ALG13: variants seen among roughly 807,000 people sequenced by gnomAD.
ALG13 encodes the protein ALG13 UDP-N-acetylglucosaminyltransferase subunit, also known as UDP-N-acetylglucosamine transferase subunit ALG13.
A neutral mutation model predicts 87.8 loss-of-function variants in ALG13; 11 were observed. That is an observed-to-expected ratio of 0.13 (90% CI 0.08 to 0.21). The LOEUF (loss-of-function observed/expected upper bound fraction) is 0.21. Among genes scored for constraint, ALG13 ranks in the 10% least tolerant of loss-of-function variants. ALG13 has a pLI of 1.00. For synonymous variants in ALG13, 320 were observed against 306.3 expected (o/e 1.04, Z -0.47); for missense variants, 756 against 866.1 (o/e 0.87, Z 1.60).
In ALG13 at chrX:111,688,420, A is replaced by G. The variant is rs140179850; in HGVS notation, c.383+3317A>G. ...TTAGCATCTTTAGCTTTATAATCTAAGGAACCAAATTTAAAAAATGATGGA... is the reference window on the plus strand; with the variant it reads ...TTAGCATCTTTAGCTTTATAATCTAGGGAACCAAATTTAAAAAATGATGGA... On this transcript the variant is annotated intron_variant, in intron 3 of 26. Coordinates refer to ENST00000394780, the MANE Select transcript of ALG13 (RefSeq NM_001099922.3). 753 of 744,435 alleles carry G rather than the reference A, an allele frequency of 1.0e-3. 4 individuals carry two copies. In the African/African-American group the frequency reaches 0.016, roughly 15 times the overall value. The allele number at this position is 744,435 out of a possible 1,213,427, so 61.3% of individuals were successfully genotyped here.
Position 111,685,058 on chromosome X carries a change from C to G in ALG13, c.338C>G (p.Ala113Gly). Reference protein sequence around the residue: ...KLMNNHQLELAKQLHKEGHLF... With the variant: ...KLMNNHQLELGKQLHKEGHLF... ...ATGAACAATCATCAGCTGGAACTGGCAAAGCAGCTACACAAAGAGGGTCAT... is the reference window on the plus strand; with the variant it reads ...ATGAACAATCATCAGCTGGAACTGGGAAAGCAGCTACACAAAGAGGGTCAT... The change falls in exon 3 of 27, where the codon GCA (alanine) becomes GGA (glycine). Residue 113 changes from alanine (A) to glycine (G), a missense_variant. Ala to Gly is a moderately conservative substitution (Grantham distance 60, BLOSUM62 0). Around this residue, in one of 9 missense-constraint regions of ALG13, gnomAD observed 153 missense variants for 168.7 expected, o/e 0.91. Coordinates refer to ENST00000394780, the MANE Select transcript of ALG13 (RefSeq NM_001099922.3). The G allele has an allele frequency of 8.3e-7, 1 of 1,210,485 alleles. No individual in the cohort carries two copies. The highest frequency in any genetic ancestry group is 1.1e-6 in the Non-Finnish European group (1 of 894,745).
At chrX:111,708,640 G>A (rs1939189594) in intron 4 of ALG13, among the ~76,000 whole-genome samples, 1 of 110,764 alleles carries the variant, frequency 9.0e-6, no homozygotes, top group Non-Finnish European at 1.9e-5. Flanking sequence ...ATGTAGGAGG[G>A]GTAAGATAAG....
intron 24 of ALG13, among the ~76,000 whole-genome samples, chrX:111,746,873 T>C (rs1372838264): frequency 8.9e-6 from 1 of 111,859 alleles, no homozygotes; most frequent in African/African-American, 3.2e-5. Flanking sequence ...CTTTATCCAT[T>C]CTGGTGACTG....
intron 15 of ALG13, among the ~76,000 whole-genome samples, chrX:111,726,457 C>T (rs1378816716): frequency 9.2e-6 from 1 of 108,554 alleles, no homozygotes; most frequent in Non-Finnish European, 1.9e-5. Context: ...TCCTTGAACT[C>T]CTGACCTCAA....
chrX:111,728,196 T>G lies in ALG13; in HGVS notation c.2259T>G (p.Gly753=). ...TCTCTCTGATACAGAATCATGGAGGTCCCTCTACAATGGTTCCTGCTACTT... is the reference window on the plus strand; with the variant it reads ...TCTCTCTGATACAGAATCATGGAGGGCCCTCTACAATGGTTCCTGCTACTT... ...TAYPTLPNHG[G]PSTMVPATSG... is the part of the protein sequence containing the mutation. Residue 753 remains glycine (G), a synonymous_variant, in exon 19 of 27, where the codon GGT becomes GGG. Transcript: ENST00000394780. 2 of 1,211,112 alleles carry G rather than the reference T, an allele frequency of 1.7e-6. No individual in the cohort carries two copies. The highest frequency in any genetic ancestry group is 2.2e-6 in the Non-Finnish European group (2 of 895,125).
chrX:111,704,784 A>G (rs1295515055), intron 3 of ALG13, among the ~76,000 whole-genome samples: 1 of 111,904 alleles, frequency 8.9e-6, no homozygotes, highest in Non-Finnish European at 1.9e-5. Flanking sequence ...AACTCTATAC[A>G]ACAAACCATT....
In ALG13 at chrX:111,727,368, G is replaced by T; in HGVS notation, c.2013G>T (p.Pro671=). The T allele has an allele frequency of 8.3e-7, 1 of 1,209,361 alleles. No homozygotes were observed. The highest frequency in any genetic ancestry group is 1.7e-5 in the African/African-American group (1 of 57,571). Residue 671 remains proline (P), a synonymous_variant, in exon 17 of 27, where the codon CCG becomes CCT. Coordinates refer to ENST00000394780, the MANE Select transcript of ALG13 (RefSeq NM_001099922.3). ...GGTTTATAAACAGGCACAACATGCC[G>T]GGCCCTAAAGTTGATTTTTACCCAG... ...SSRFINRHNM[P]GPKVDFYPGP...
chrX:111,737,480 A>C (rs1437786877), intron 23 of ALG13, among the ~76,000 whole-genome samples: 6 of 111,739 alleles, frequency 5.4e-5, no homozygotes, highest in Non-Finnish European at 1.1e-4. Flanking sequence ...GGTGGCAACA[A>C]CAGCATTAGC....
At chrX:111,710,845 C>T (rs767529566) in intron 5 of ALG13, among the ~76,000 whole-genome samples, 2 of 110,977 alleles carry the variant, frequency 1.8e-5, no homozygotes, top group Non-Finnish European at 3.8e-5. Context: ...TACAGGTGCC[C>T]GCCACCATGT....
chrX:111,718,328 A>G, intron 10 of ALG13, 54 bp downstream of exon 10: 1 of 1,057,548 alleles, frequency 9.5e-7, no homozygotes, highest in South Asian at 2.3e-5. Flanking sequence ...TTCTGTGCAT[A>G]ATCATTTGAA....
At chrX:111,734,967 C>G in intron 21 of ALG13, 84 bp from the exon 22 acceptor site, 2 of 674,955 alleles carry the variant, frequency 3.0e-6, no homozygotes, top group Non-Finnish European at 4.6e-6. Context: ...GGACTGATCA[C>G]TTTCATATAG....
chrX:111,689,446 G>A, intron 3 of ALG13: 2 of 752,882 alleles, frequency 2.7e-6, no homozygotes, highest in South Asian at 6.7e-5. Flanking sequence ...CAACTAAAAG[G>A]CTATACAGCC....
chrX:111,682,031 G>A, intron 1 of ALG13, 101 bp from the exon 2 acceptor site: 1 of 912,536 alleles, frequency 1.1e-6, no homozygotes, highest in Non-Finnish European at 1.4e-6. Flanking sequence ...TTTGGCGGCC[G>A]TGCTCCGATG....
At chrX:111,681,736 C>T in intron 1 of ALG13, 1 of 834,774 alleles carries the variant, frequency 1.2e-6, no homozygotes, top group Non-Finnish European at 1.4e-6. Context: ...GAGCCCGGCT[C>T]CTTCCCCTCA....
At chrX:111,695,032 C>T (rs542115443) in intron 3 of ALG13, among the ~76,000 whole-genome samples, 2 of 112,077 alleles carry the variant, frequency 1.8e-5, no homozygotes, top group African/African-American at 3.2e-5. Flanking sequence ...CTAAATGATA[C>T]GGAAAGCAGA....
chrX:111,686,683 A>G (rs1461017181), intron 3 of ALG13, among the ~76,000 whole-genome samples: 1 of 112,034 alleles, frequency 8.9e-6, no homozygotes, highest in Non-Finnish European at 1.9e-5. Context: ...TGCTTTATGC[A>G]AGTCAATTTT....
chrX:111,689,074 G>A (rs1935654822), intron 3 of ALG13: 1 of 679,650 alleles, frequency 1.5e-6, no homozygotes, highest in Non-Finnish European at 1.7e-6. Flanking sequence ...TTTTCTGATT[G>A]TGTTTTATTT....
intron 23 of ALG13, among the ~76,000 whole-genome samples, chrX:111,741,536 G>A (rs1379270621): frequency 2.7e-5 from 3 of 112,072 alleles, no homozygotes; most frequent in Non-Finnish European, 5.6e-5. Flanking sequence ...AAGTGAGCAG[G>A]GCATGGTGGC....
chrX:111,732,958 C>T (rs1038527485), intron 21 of ALG13, among the ~76,000 whole-genome samples: 5 of 111,322 alleles, frequency 4.5e-5, no homozygotes, highest in Admixed American at 9.6e-5. Context: ...TTCAATTTCA[C>T]TTGTCACATG....
Sources: gnomAD v4.1 joint callset for allele counts (sites outside exome capture counted in the v4.1 genomes callset) on GRCh38, gnomAD v4.1.1 for gene constraint, gnomAD v4.1.1 regional missense constraint, MANE v1.5 for transcripts, NCBI Gene and HGNC (gene_info 2026-07-23, HGNC 2026-07-21) for gene names.